ATXN1: variants seen among roughly 807,000 people sequenced by gnomAD.
ATXN1 encodes the protein ataxin 1.
A neutral mutation model predicts 56.4 loss-of-function variants in ATXN1; 8 were observed. The observed-to-expected ratio is 0.14, with a 90% CI of 0.08 to 0.26. The LOEUF is 0.26. ATXN1 is among the 10% of genes least tolerant of loss of function. The pLI, the probability that ATXN1 is intolerant of heterozygous loss-of-function variation, is 1.00. For missense variants in ATXN1, 987 were observed against 1,106.5 expected (o/e 0.89, Z 1.53); for synonymous variants, 514 against 494.6 (o/e 1.04, Z -0.52).
chr6:16,408,691 A>T (rs1433535699), intron 6 of ATXN1, among the ~76,000 whole-genome samples: 1 of 152,242 alleles, frequency 6.6e-6, no homozygotes, highest in Non-Finnish European at 1.5e-5. Context: ...ATTTTCTCAC[A>T]ACTAATAAGT....
chr6:16,368,361 T>C (rs1761972833), intron 6 of ATXN1, among the ~76,000 whole-genome samples: 1 of 143,234 alleles, frequency 7.0e-6, no homozygotes, highest in Admixed American at 6.8e-5. Flanking sequence ...TTTTTTTTTT[T>C]TTTTTTGGTG....
At chr6:16,498,500 T>C (rs1427761934) in intron 5 of ATXN1, among the ~76,000 whole-genome samples, 4 of 152,194 alleles carry the variant, frequency 2.6e-5, no homozygotes, top group East Asian at 1.9e-4. Flanking sequence ...CTTCAGTGTA[T>C]ACCTAAGAGC....
chr6:16,389,119 G>A (rs1419621958), intron 6 of ATXN1, among the ~76,000 whole-genome samples: 1 of 151,908 alleles, frequency 6.6e-6, no homozygotes, highest in Non-Finnish European at 1.5e-5. Context: ...GGCAGATCAC[G>A]AGGTGAGGAG....
At chr6:16,727,789 T>C (rs1304851126) in intron 2 of ATXN1, among the ~76,000 whole-genome samples, 1 of 152,226 alleles carries the variant, frequency 6.6e-6, no homozygotes, top group Non-Finnish European at 1.5e-5. Context: ...ATTCGGACTA[T>C]AAAATGATCA....
intron 6 of ATXN1, among the ~76,000 whole-genome samples, chr6:16,450,018 C>T (rs1238415288): frequency 6.6e-6 from 1 of 152,188 alleles, no homozygotes; most frequent in Non-Finnish European, 1.5e-5. Flanking sequence ...ATCTAACATA[C>T]ATTATGCTAA....
intron 4 of ATXN1, among the ~76,000 whole-genome samples, chr6:16,550,153 T>TAAAAAAA (rs1194433906): frequency 2.9e-5 from 1 of 34,200 alleles, no homozygotes; most frequent in African/African-American, 9.0e-5. Context: ...ATAAATAAAA[T>TAAAAAAA]ACAAAAAAAA....
intron 6 of ATXN1, among the ~76,000 whole-genome samples, chr6:16,437,307 G>T: frequency 6.6e-6 from 1 of 152,208 alleles, no homozygotes; most frequent in East Asian, 1.9e-4. Context: ...GCTGTGGGTG[G>T]GAGTGCGTAT....
chr6:16,358,606 C>T (rs942553789), intron 6 of ATXN1, among the ~76,000 whole-genome samples: 15 of 152,206 alleles, frequency 9.9e-5, no homozygotes, highest in African/African-American at 3.6e-4. Flanking sequence ...GCTGGCTGCG[C>T]GGCTGGTGCT....
chr6:16,348,549 A>C (rs1761491257), intron 6 of ATXN1, among the ~76,000 whole-genome samples: 1 of 152,106 alleles, frequency 6.6e-6, no homozygotes, highest in Non-Finnish European at 1.5e-5. Context: ...AAATACAAAA[A>C]AAATTAGCCG....
chr6:16,524,926 C>A (rs573847027), intron 4 of ATXN1, among the ~76,000 whole-genome samples: 1 of 152,170 alleles, frequency 6.6e-6, no homozygotes. Context: ...GTGGCATGCA[C>A]CTGTAATCCC....
At chr6:16,425,480 A>G (rs572011710) in intron 6 of ATXN1, among the ~76,000 whole-genome samples, 1 of 152,372 alleles carries the variant, frequency 6.6e-6, no homozygotes, top group Non-Finnish European at 1.5e-5. Context: ...TATTATTCAC[A>G]CACCTTGGAG....
At chr6:16,547,827 A>C (rs1172677973) in intron 4 of ATXN1, among the ~76,000 whole-genome samples, 1 of 152,190 alleles carries the variant, frequency 6.6e-6, no homozygotes, top group East Asian at 1.9e-4. Context: ...CACTCTAATA[A>C]CCTCATCTGA....
chr6:16,308,322 T>TCTCACACACACACACA (rs1243206488), intron 7 of ATXN1, among the ~76,000 whole-genome samples: 3 of 132,728 alleles, frequency 2.3e-5, no homozygotes, highest in East Asian at 5.3e-4. Context: ...TGAAACTCCG[T>TCTCACACACACACACA]CACACACACA....
chr6:16,323,901 A>G (rs1297138912), intron 7 of ATXN1, among the ~76,000 whole-genome samples: 1 of 152,030 alleles, frequency 6.6e-6, no homozygotes, highest in Non-Finnish European at 1.5e-5. Context: ...GAGCTGTATT[A>G]TTATGCCATT....
intron 3 of ATXN1, among the ~76,000 whole-genome samples, chr6:16,613,271 CAAAAA>C (rs765813165): frequency 7.6e-5 from 4 of 52,508 alleles, no homozygotes; most frequent in African/African-American, 2.6e-4. Flanking sequence ...GACTCCGTCT[CAAAAA>C]AAAAAAAAAA....
At chr6:16,413,070 A>G (rs995291622) in intron 6 of ATXN1, among the ~76,000 whole-genome samples, 5 of 152,268 alleles carry the variant, frequency 3.3e-5, no homozygotes, top group Admixed American at 6.5e-5. Flanking sequence ...AAACTATGTT[A>G]GAAATGAAGA....
At position 16,327,833 on chromosome 6, in the gene ATXN1, C is replaced by T; in HGVS notation, c.478G>A (p.Ala160Thr). Residue 160 changes from alanine (A) to threonine (T), a missense_variant, in exon 7 of 8, where the codon GCC becomes ACC. Ala to Thr is a moderately conservative substitution (Grantham distance 58). Around this residue, in one of 3 missense-constraint regions of ATXN1, gnomAD observed 723 missense variants for 791.7 expected, o/e 0.91. Coordinates refer to ENST00000436367, the MANE Select transcript of ATXN1 (RefSeq NM_001128164.2). ...PTANPVTSAV[A>T]SAAGATTPSQ... The stretch of plus-strand genomic sequence containing the variant: ...GGAGTGGTGGCCCCTGCGGCCGAGG[C>T]CACTGCACTGGTGACGGGGTTGGCG... The T allele has an allele frequency of 6.2e-7, 1 of 1,608,712 alleles. No homozygotes were observed. Among genetic ancestry groups the T allele is most frequent in the South Asian group, 1.1e-5 (1 of 91,068 alleles).
At chr6:16,555,109 A>G (rs1761987625) in intron 4 of ATXN1, among the ~76,000 whole-genome samples, 1 of 152,038 alleles carries the variant, frequency 6.6e-6, no homozygotes, top group Non-Finnish European at 1.5e-5. Flanking sequence ...CTATGCTTAG[A>G]AGCACTTCCC....
chr6:16,621,634 C>T (rs996680158), intron 3 of ATXN1, among the ~76,000 whole-genome samples: 14 of 152,000 alleles, frequency 9.2e-5, no homozygotes, highest in Non-Finnish European at 1.5e-4. Flanking sequence ...GGCTTGAACC[C>T]GGGAGGCAAT....
Sources: allele counts gnomAD v4.1 joint callset (sites outside exome capture counted in the v4.1 genomes callset), GRCh38; gene constraint gnomAD v4.1.1; regional missense constraint gnomAD v4.1.1; transcripts MANE v1.5; gene names NCBI Gene and HGNC (gene_info 2026-07-23, HGNC 2026-07-21).